PDCD5: variants seen among roughly 807,000 people sequenced by gnomAD.
PDCD5 encodes programmed cell death 5.
A neutral mutation model predicts 21.9 loss-of-function variants in PDCD5; 23 were observed. The observed-to-expected ratio is 1.05, with a 90% CI of 0.76 to 1.49. The LOEUF (loss-of-function observed/expected upper bound fraction) is 1.49. PDCD5 is among the 40% of genes most tolerant of loss of function. PDCD5 has a pLI of 0.00. For missense variants in PDCD5, 152 were observed against 147.7 expected (o/e 1.03, Z -0.15); for synonymous variants, 45 against 49.4 (o/e 0.91, Z 0.37).
chr19:32,585,861 A>G lies in PDCD5; in HGVS notation c.212A>G (p.Glu71Gly). Residue 71 changes from glutamate (E) to glycine (G), a missense_variant, in exon 4 of 6, where the codon GAG (glutamate) becomes GGG (glycine). Transcript: ENST00000590247. ...AAGCCTGAAAAAACTAAAGCAGTAG[A>G]GAATTACCTTATACAGATGGCAAGA... is the stretch of plus-strand genomic sequence containing the variant. ...LVKPEKTKAV[E>G]NYLIQMARYG... The G allele has an allele frequency of 6.2e-7, 1 of 1,611,706 alleles. No individual in the cohort carries two copies. Among genetic ancestry groups the G allele is most frequent in the Non-Finnish European group, 8.5e-7 (1 of 1,177,758 alleles).
At chr19:32,586,457 G>A in intron 4 of PDCD5, 2 of 1,106,060 alleles carry the variant, frequency 1.8e-6, no homozygotes, top group Non-Finnish European at 2.2e-6. Context: ...TGGTTGGGTT[G>A]ATCTTTTCCG....
chr19:32,581,549 G>T (rs1021690015), intron 1 of PDCD5: 5 of 365,898 alleles, frequency 1.4e-5, no homozygotes, highest in African/African-American at 8.5e-5. Flanking sequence ...TGCGGGACCT[G>T]CCCTGGCGTT....
At chr19:32,585,571 G>T (rs1004410729) in intron 3 of PDCD5, among the ~76,000 whole-genome samples, 1 of 152,144 alleles carries the variant, frequency 6.6e-6, no homozygotes, top group Non-Finnish European at 1.5e-5. Context: ...CAGGAAGCAT[G>T]GTGCTTAGAA....
chr19:32,582,169 A>G (rs80289174), intron 1 of PDCD5, 26 bp from the exon 2 acceptor site: 3 of 1,577,008 alleles, frequency 1.9e-6, no homozygotes, highest in Admixed American at 3.4e-5. Context: ...AAATTTCTCT[A>G]TTAAATTTAA....
At chr19:32,586,112 C>G in intron 4 of PDCD5, 1 of 1,521,014 alleles carries the variant, frequency 6.6e-7, no homozygotes. Flanking sequence ...TGGCGTTGCT[C>G]TGGAACCTTG....
At position 32,585,018 on chromosome 19, in the gene PDCD5, A is replaced by G. The variant is rs1283495952; in HGVS notation, c.166+7A>G. On this transcript the variant is annotated splice_region_variant and intron_variant, in intron 3 of 5. Transcript: ENST00000590247. Reference sequence around the variant, plus strand: ...CAGTCGGCCCGGGCCAGGTGTAAGCATCTTTGATTTCATTTCCATAAAGTT... The same window carrying G: ...CAGTCGGCCCGGGCCAGGTGTAAGCGTCTTTGATTTCATTTCCATAAAGTT... The G allele has an allele frequency of 1.2e-6, 2 of 1,609,764 alleles. No homozygotes were observed. Among genetic ancestry groups the G allele is most frequent in the South Asian group, 1.1e-5 (1 of 91,026 alleles).
chr19:32,582,285 C>A (rs1971436093), intron 2 of PDCD5, 53 bp downstream of exon 2: 4 of 1,487,910 alleles, frequency 2.7e-6, no homozygotes, highest in Middle Eastern at 1.7e-4. Context: ...AAATGGATTT[C>A]TTTTGCTGTA....
At chr19:32,587,020 C>A in intron 5 of PDCD5, 91 bp downstream of exon 5, 1 of 1,161,808 alleles carries the variant, frequency 8.6e-7, no homozygotes, top group Non-Finnish European at 1.2e-6. Context: ...ATTTTTCAGC[C>A]CAGAGACATT....
At chr19:32,584,885 C>T (rs1047732428) in intron 2 of PDCD5, 65 bp from the exon 3 acceptor site, 3 of 1,313,516 alleles carry the variant, frequency 2.3e-6, no homozygotes, top group Admixed American at 1.7e-5. Context: ...GGTTCTTTCT[C>T]GTATGTTACA....
Position 32,584,855 on chromosome 19 carries a change from G to A in PDCD5, c.105-95G>A. 3 of 926,464 alleles carry A rather than the reference G, an allele frequency of 3.2e-6. No individual in the cohort carries two copies. In the South Asian group the frequency reaches 3.9e-5, roughly 12 times the overall value. The allele number at this position is 926,464 out of a possible 1,614,324, so 57.4% of individuals were successfully genotyped here. A position where few individuals can be genotyped will look rare whatever the true frequency, so the allele number is the denominator to read the frequency against. On this transcript the variant is annotated intron_variant, in intron 2 of 5. Coordinates refer to ENST00000590247, the MANE Select transcript of PDCD5 (RefSeq NM_004708.4). ...GCAGTTTGTATACCGCAGGCCCCAT[G>A]TGGAGACACATACTGGATGGGTTCT...
rs568241759 is a variant in PDCD5, at chr19:32,587,145, G to T, written c.331-108G>T. 2.8e-4 allele frequency: 271 copies of T among 950,908 alleles called. 1 individual carries two copies. The highest frequency in any genetic ancestry group is 2.4e-3 in the Middle Eastern group (11 of 4,654). 58.9% of individuals were successfully genotyped at this position (950,908 alleles called of 1,614,324 possible). ...CCACCCTTTTAGTTCACGCTAAGTT[G>T]CTTTAAAGACACAAATGTCTTGCTA... On this transcript the variant is annotated intron_variant, in intron 5 of 5. Coordinates refer to ENST00000590247, the MANE Select transcript of PDCD5 (RefSeq NM_004708.4).
At chr19:32,585,062 G>A in intron 3 of PDCD5, 51 bp downstream of exon 3, 2 of 1,266,286 alleles carry the variant, frequency 1.6e-6, no homozygotes, top group Non-Finnish European at 2.3e-6. Flanking sequence ...TTAGTTGAAT[G>A]GGGTGATTAG....
At chr19:32,581,910 T>C (rs932939715) in intron 1 of PDCD5, among the ~76,000 whole-genome samples, 3 of 152,206 alleles carry the variant, frequency 2.0e-5, no homozygotes, top group African/African-American at 7.2e-5. Flanking sequence ...CCGTTTTATT[T>C]TCCAGAAATT....
At chr19:32,585,953 C>A (rs538693040) in intron 4 of PDCD5, 46 bp downstream of exon 4, 1 of 1,614,038 alleles carries the variant, frequency 6.2e-7, no homozygotes, top group Admixed American at 1.7e-5. Context: ...CCTGCTTTAT[C>A]AAAACATGGC....
chr19:32,581,767 C>A, intron 1 of PDCD5: 1 of 212,286 alleles, frequency 4.7e-6, no homozygotes, highest in Non-Finnish European at 9.2e-6. Flanking sequence ...CTTGCCCCGC[C>A]GGGATGACAG....
chr19:32,583,992 C>G (rs543188517), intron 2 of PDCD5, among the ~76,000 whole-genome samples: 14 of 151,906 alleles, frequency 9.2e-5, no homozygotes, highest in Admixed American at 3.9e-4. Flanking sequence ...CCACCATGCC[C>G]GGCTAATTTT....
chr19:32,584,492 A>T (rs1348235188), intron 2 of PDCD5, among the ~76,000 whole-genome samples: 1 of 152,124 alleles, frequency 6.6e-6, no homozygotes, highest in African/African-American at 2.4e-5. Context: ...GAGTCTTAAA[A>T]CATGGAATCT....
At chr19:32,586,065 A>G (rs1173772246) in intron 4 of PDCD5, 158 bp downstream of exon 4, 11 of 1,557,188 alleles carry the variant, frequency 7.1e-6, no homozygotes, top group Non-Finnish European at 1.7e-6. Context: ...AAGAGAATAA[A>G]TTGCCTTTCC....
chr19:32,587,239 A>C lies in PDCD5; in HGVS notation c.331-14A>C. 6.4e-7 allele frequency: 1 copy of C among 1,574,294 alleles called. No homozygotes were observed. Among genetic ancestry groups the C allele is most frequent in the Non-Finnish European group, 8.7e-7 (1 of 1,146,292 alleles). On this transcript the variant is annotated splice_polypyrimidine_tract_variant and intron_variant, in intron 5 of 5. Coordinates refer to ENST00000590247, the MANE Select transcript of PDCD5 (RefSeq NM_004708.4). ...ATTAGAAATGTTCTGACACTCATTT[A>C]ATTTTCCTCCCAGTTCAACAGAAGA... is the stretch of plus-strand genomic sequence containing the variant.
Sources: allele counts gnomAD v4.1 joint callset (sites outside exome capture counted in the v4.1 genomes callset), GRCh38; gene constraint gnomAD v4.1.1; transcripts MANE v1.5; gene names NCBI Gene and HGNC (gene_info 2026-07-23, HGNC 2026-07-21).